The following PCDH9 variants were observed in gnomAD, a reference collection of about 807,000 sequenced individuals.
The protein encoded by PCDH9 is protocadherin-9.
Under a neutral mutation model 70.6 loss-of-function variants are expected in PCDH9, and 24 were observed. That is an observed-to-expected ratio of 0.34 (90% CI 0.25 to 0.48). The LOEUF (loss-of-function observed/expected upper bound fraction) is 0.48. PCDH9 is among the 20% of genes least tolerant of loss of function. The pLI is 0.99. For synonymous variants in PCDH9, 562 were observed against 558.5 expected, an observed-to-expected ratio of 1.01 and a Z score of -0.09; for missense variants, 1,281 against 1,503.6, an observed-to-expected ratio of 0.85 and a Z score of 2.45.
chr13:67,160,408 G>T (rs964917301), intron 2 of PCDH9, among the ~76,000 whole-genome samples: 1 of 151,992 alleles, frequency 6.6e-6, no homozygotes, highest in Admixed American at 6.6e-5. Context: ...TTAGCCGGGC[G>T]TGGTGGCGGG....
intron 3 of PCDH9, among the ~76,000 whole-genome samples, chr13:66,633,296 T>C (rs562013944): frequency 2.0e-5 from 3 of 152,192 alleles, no homozygotes; most frequent in Non-Finnish European, 4.4e-5. Context: ...TTCTCAAAGG[T>C]TTTGAAACGT....
chr13:66,652,170 A>G (rs569781155), intron 3 of PCDH9, among the ~76,000 whole-genome samples: 3 of 152,236 alleles, frequency 2.0e-5, no homozygotes, highest in African/African-American at 7.2e-5. Flanking sequence ...ACACAAGAGA[A>G]ATAAATAAAG....
At chr13:66,738,763 G>T (rs1317580638) in intron 3 of PCDH9, among the ~76,000 whole-genome samples, 1 of 151,904 alleles carries the variant, frequency 6.6e-6, no homozygotes, top group Non-Finnish European at 1.5e-5. Flanking sequence ...CGAAATGAAT[G>T]AAATGAAGCG....
At chr13:66,863,254 C>T (rs984575672) in intron 3 of PCDH9, among the ~76,000 whole-genome samples, 1 of 152,142 alleles carries the variant, frequency 6.6e-6, no homozygotes, top group African/African-American at 2.4e-5. Flanking sequence ...ATCTGGACTT[C>T]AGTTTTCTCA....
At chr13:67,113,247 T>C (rs1239231096) in intron 2 of PCDH9, among the ~76,000 whole-genome samples, 3 of 152,228 alleles carry the variant, frequency 2.0e-5, no homozygotes, top group Non-Finnish European at 4.4e-5. Context: ...TAAATAAACC[T>C]GTAATCTTAA....
At chr13:66,653,271 T>A (rs2077878242) in intron 3 of PCDH9, among the ~76,000 whole-genome samples, 1 of 152,136 alleles carries the variant, frequency 6.6e-6, no homozygotes, top group Non-Finnish European at 1.5e-5. Flanking sequence ...TGACAAGGGC[T>A]TAACAACCAG....
intron 3 of PCDH9, among the ~76,000 whole-genome samples, chr13:66,781,662 T>C (rs771709364): frequency 4.2e-4 from 64 of 152,200 alleles, no homozygotes; most frequent in Non-Finnish European, 1.2e-4. Flanking sequence ...AAGGACCTTG[T>C]GGCTTCTGTA....
At position 66,624,377 on chromosome 13, in the gene PCDH9, C is replaced by G. The variant is rs77139961; in HGVS notation, c.3340+6833G>C. Among the ~76,000 whole-genome samples, 640 of 152,238 alleles carry G rather than the reference C, an allele frequency of 4.2e-3. 20 individuals are homozygous for G. The East Asian group carries it at 0.081, about 19-fold the overall frequency. Reference sequence around the variant, plus strand: ...CTACTTGGGAATGGAATAAATCTTCCCCTGCAGTAAAAGGTAACAAAATTC... The same window carrying G: ...CTACTTGGGAATGGAATAAATCTTCGCCTGCAGTAAAAGGTAACAAAATTC... On this transcript the variant is annotated intron_variant, in intron 4 of 4. Coordinates refer to ENST00000377865, the MANE Select transcript of PCDH9 (RefSeq NM_203487.3).
At chr13:66,785,143 G>A (rs1262642451) in intron 3 of PCDH9, among the ~76,000 whole-genome samples, 2 of 151,966 alleles carry the variant, frequency 1.3e-5, no homozygotes, top group East Asian at 1.9e-4. Flanking sequence ...CATCAGCCAT[G>A]GCATTATTCT....
chr13:66,673,023 G>A (rs1593871701), intron 3 of PCDH9, among the ~76,000 whole-genome samples: 2 of 152,268 alleles, frequency 1.3e-5, no homozygotes, highest in South Asian at 2.1e-4. Flanking sequence ...ACTTTGGGGG[G>A]CTGTTGGGAA....
chr13:67,029,869 G>T (rs1172867400), intron 2 of PCDH9, among the ~76,000 whole-genome samples: 1 of 151,674 alleles, frequency 6.6e-6, no homozygotes, highest in Non-Finnish European at 1.5e-5. Flanking sequence ...AGTATTTTTT[G>T]AAACAAGCCA....
intron 2 of PCDH9, among the ~76,000 whole-genome samples, chr13:67,172,644 G>C (rs566128827): frequency 6.6e-6 from 1 of 151,990 alleles, no homozygotes; most frequent in Non-Finnish European, 1.5e-5. Flanking sequence ...ATGGGAGACC[G>C]AGGTGGGAGG....
intron 2 of PCDH9, among the ~76,000 whole-genome samples, chr13:67,148,369 T>C (rs2087575079): frequency 6.6e-6 from 1 of 152,116 alleles, no homozygotes; most frequent in Non-Finnish European, 1.5e-5. Flanking sequence ...ATACTTATAG[T>C]CTTTGAATTT....
At position 67,150,070 on chromosome 13, in the gene PCDH9, G is replaced by T. The variant is rs144487001; in HGVS notation, c.3036+75335C>A. 1.1e-4 allele frequency among the ~76,000 whole-genome samples: 16 copies of T among 152,010 alleles called. No individual in the cohort carries two copies. The South Asian group carries it at 1.2e-3, about 12-fold the overall frequency. On this transcript the variant is annotated intron_variant, in intron 2 of 4. Coordinates refer to ENST00000377865, the MANE Select transcript of PCDH9 (RefSeq NM_203487.3). ...ATTTTATTTTTATTTTTTTGATATG[G>T]AGTCTCACTCTGTCACTCAGGCTGA...
chr13:66,532,357 G>A (rs959670902), intron 4 of PCDH9, among the ~76,000 whole-genome samples: 1 of 152,038 alleles, frequency 6.6e-6, no homozygotes, highest in African/African-American at 2.4e-5. Flanking sequence ...CCCCATGGGT[G>A]AGTCAGCATA....
At chr13:67,140,891 G>C (rs748422372) in intron 2 of PCDH9, among the ~76,000 whole-genome samples, 1 of 152,166 alleles carries the variant, frequency 6.6e-6, no homozygotes, top group Admixed American at 6.5e-5. Flanking sequence ...CAGTACTTCA[G>C]TGAATATATT....
chr13:66,462,570 A>G (rs1287794947), intron 4 of PCDH9, among the ~76,000 whole-genome samples: 2 of 151,742 alleles, frequency 1.3e-5, no homozygotes, highest in African/African-American at 4.8e-5. Flanking sequence ...AACAAATACT[A>G]TTGTTGTCCT....
At chr13:67,177,046 A>T (rs1594616797) in intron 2 of PCDH9, among the ~76,000 whole-genome samples, 2 of 152,080 alleles carry the variant, frequency 1.3e-5, no homozygotes, top group East Asian at 3.9e-4. Flanking sequence ...TATGAAAATT[A>T]AAGTATCTAT....
At chr13:66,525,787 G>GAA (rs1469876840) in intron 4 of PCDH9, among the ~76,000 whole-genome samples, 4 of 152,062 alleles carry the variant, frequency 2.6e-5, no homozygotes, top group Non-Finnish European at 5.9e-5. Flanking sequence ...AAGAATCAGC[G>GAA]TGGCCAAAAT....
Sources: allele counts gnomAD v4.1 joint callset (sites outside exome capture counted in the v4.1 genomes callset), GRCh38; gene constraint gnomAD v4.1.1; transcripts MANE v1.5; gene names NCBI Gene and HGNC (gene_info 2026-07-23, HGNC 2026-07-21).